The following FTCD variants were observed in gnomAD, a reference collection of about 807,000 sequenced individuals.
The protein encoded by FTCD is formimidoyltransferase-cyclodeaminase.
In FTCD, 76 loss-of-function variants were observed where a neutral mutation model predicts 62.9. The ratio of observed to expected loss-of-function variants is 1.21; its 90% CI spans 1.00 to 1.46. The LOEUF (loss-of-function observed/expected upper bound fraction) is 1.46, where lower values mean the gene tolerates loss of function less well. Among genes scored for constraint, FTCD ranks in the 40% most tolerant of loss-of-function variants. The pLI, the probability that FTCD is intolerant of heterozygous loss-of-function variation, is 0.00. For synonymous variants in FTCD, 397 were observed against 336.9 expected (o/e 1.18, Z -1.95); for missense variants, 845 against 751.3 (o/e 1.12, Z -1.46).
intron 5 of FTCD, among the ~76,000 whole-genome samples, chr21:46,150,872 C>T (rs2079254571): frequency 6.6e-6 from 1 of 152,268 alleles, no homozygotes; most frequent in Admixed American, 6.5e-5. Context: ...CCCATCTGCT[C>T]CGCTCCCGAC....
rs1368868010 is a variant in FTCD at position 46,153,006 on chromosome 21, C to T, written c.268G>A (p.Val90Ile). 9.7e-6 allele frequency: 15 copies of T among 1,550,166 alleles called. No homozygotes were observed. Among genetic ancestry groups the T allele is most frequent in the South Asian group, 3.6e-5 (3 of 84,122 alleles). ...GEHPRMGALDVCPFIPVRGVS... is the reference protein window; with the variant it reads ...GEHPRMGALDICPFIPVRGVS... ...CCCCTCACGGGGATGAAGGGGCAGA[C>T]GTCTAGGGCCCCCATGCGGGGGTGC... Residue 90 changes from valine to isoleucine, a missense_variant, in exon 3 of 14, where the codon GTC (valine) becomes ATC (isoleucine). Physicochemically the swap from Val to Ile is conservative, Grantham distance 29. Transcript: ENST00000397746.
chr21:46,145,551 GGCCCACCATGGAGCCCA>G lies in FTCD; in HGVS notation c.1109_1125del (p.Leu370ProfsTer56), dbSNP rs1335265533. ...AATTGGCGCCGCCCGTAGGTCATGA[GGCCCACCATGGAGCCCA>G]GCGCCGCACCCTGCGAGAGGGGTGG... On this transcript the variant is annotated frameshift_variant, in exon 10 of 14. Coordinates refer to ENST00000397746, the MANE Select transcript of FTCD (RefSeq NM_206965.2). LOFTEE classifies it high-confidence loss of function. 6.5e-7 allele frequency: 1 copy of G among 1,544,766 alleles called. No individual in the cohort carries two copies. The highest frequency in any genetic ancestry group is 2.0e-5 in the Admixed American group (1 of 50,876).
At chr21:46,149,889 T>C (rs1315417305) in intron 7 of FTCD, among the ~76,000 whole-genome samples, 1 of 151,444 alleles carries the variant, frequency 6.6e-6, no homozygotes, top group Non-Finnish European at 1.5e-5. Flanking sequence ...GCAGAAAGGG[T>C]GGGGTGTCCT....
intron 7 of FTCD, 58 bp downstream of exon 7, chr21:46,150,061 C>T (rs759698021): frequency 1.9e-4 from 290 of 1,516,868 alleles, no homozygotes; most frequent in Non-Finnish European, 2.4e-4. Context: ...GCTCCGCCAC[C>T]GCCTCCCCAC....
chr21:46,152,321 G>A (rs926762112), intron 3 of FTCD: 13 of 292,704 alleles, frequency 4.4e-5, no homozygotes, highest in African/African-American at 2.0e-4. Context: ...TAAATATAAC[G>A]GCAGAGAAGA....
At position 46,141,926 on chromosome 21, in the gene FTCD, A is replaced by AG. The variant is rs567478446; in HGVS notation, c.1261-3004dup. On this transcript the variant is annotated intron_variant, in intron 10 of 13. Coordinates refer to ENST00000397746, the MANE Select transcript of FTCD (RefSeq NM_206965.2). Reference sequence around the variant, plus strand: ...TTGGGTGCCCTGGGCCCCCCCGGGGAGGGGGGTGCTTCCCCCAGTGGAAAA... The same window carrying AG: ...TTGGGTGCCCTGGGCCCCCCCGGGGAGGGGGGGTGCTTCCCCCAGTGGAAAA... 1.3e-3 allele frequency among the ~76,000 whole-genome samples: 191 copies of AG among 152,040 alleles called. 1 individual carries two copies. The highest frequency in any genetic ancestry group is 4.0e-3 in the African/African-American group (167 of 41,480).
rs1203817678 is a variant in FTCD at position 46,138,880 on chromosome 21, C to CT, written c.1303dup (p.Arg435LysfsTer77). ...GGTGCGGCCGGCCCTCCAGGCTCAC[C>CT]TGTCCTTTTCCTCAGGTGTGTTCTT... On this transcript the variant is annotated frameshift_variant and splice_region_variant, in exon 11 of 14. Coordinates refer to ENST00000397746, the MANE Select transcript of FTCD (RefSeq NM_206965.2). LOFTEE classifies it high-confidence loss of function. 1 of 1,612,278 alleles carries CT rather than the reference C, an allele frequency of 6.2e-7. No individual in the cohort carries two copies. Among genetic ancestry groups the CT allele is most frequent in the Admixed American group, 1.7e-5 (1 of 60,032 alleles).
chr21:46,145,846 CCGCCCCCGGGGG>C lies in FTCD; in HGVS notation c.1058_1069del (p.Ala353_Gly356del). On this transcript the variant is annotated inframe_deletion, in exon 9 of 14. Transcript: ENST00000397746. Reference sequence around the variant, plus strand: ...GGCCGCAGCGGCCGCCGCCACCGAGCCGCCCCCGGGGGCCGCAGAGCGGGCACCCACCTCCCC... The same window carrying C: ...GGCCGCAGCGGCCGCCGCCACCGAGCCCGCAGAGCGGGCACCCACCTCCCC... 7.2e-7 allele frequency: 1 copy of C among 1,394,322 alleles called. No individual in the cohort carries two copies. Among genetic ancestry groups the C allele is most frequent in the Non-Finnish European group, 9.3e-7 (1 of 1,078,436 alleles). The allele number at this position is 1,394,322 out of a possible 1,614,324, so 86.4% of individuals were successfully genotyped here.
At chr21:46,144,399 TC>T (rs2079080387) in intron 10 of FTCD, among the ~76,000 whole-genome samples, 1 of 53,744 alleles carries the variant, frequency 1.9e-5, no homozygotes, top group Non-Finnish European at 3.8e-5. Flanking sequence ...CCTCCCTCTC[TC>T]TCCACCTACC....
At chr21:46,137,419 C>T (rs892426898) in intron 12 of FTCD, 85 bp from the exon 13 acceptor site, 12 of 1,066,738 alleles carry the variant, frequency 1.1e-5, no homozygotes, top group South Asian at 2.5e-5. Context: ...GGCTCTGGGA[C>T]AGGCCGGACT....
In FTCD at chr21:46,152,783, C is replaced by CT. The variant is rs1330095797; in HGVS notation, c.367+123dup. On this transcript the variant is annotated intron_variant, in intron 3 of 13. Transcript: ENST00000397746. ...AGGGAGCTGCGCTTCTGCATGTTGG[C>CT]TTTTTGGAACACTCTGCCCTTGCAA... 2.2e-5 allele frequency: 18 copies of CT among 836,688 alleles called. No homozygotes were observed. In the East Asian group the frequency reaches 4.7e-4, roughly 22 times the overall value. The allele number at this position is 836,688 out of a possible 1,614,324, so 51.8% of individuals were successfully genotyped here. A position where few individuals can be genotyped will look rare whatever the true frequency, so the allele number is the denominator to read the frequency against.
rs766130311 is a variant in FTCD at position 46,151,881 on chromosome 21, G to A, written c.456+11C>T. The A allele has an allele frequency of 2.1e-5, 33 of 1,556,780 alleles. No individual in the cohort carries two copies. The highest frequency in any genetic ancestry group is 3.9e-4 in the Middle Eastern group (2 of 5,066). ...CTCCTTCCCAGGCCCGACCGCCCGG[G>A]GTGGGGGCACCTTCTTAGGGAGGGC... On this transcript the variant is annotated intron_variant, in intron 4 of 13. Transcript: ENST00000397746.
chr21:46,138,407 C>G, intron 12 of FTCD, 101 bp downstream of exon 12: 1 of 1,200,876 alleles, frequency 8.3e-7, no homozygotes, highest in Non-Finnish European at 1.2e-6. Flanking sequence ...GTCTCCCTAC[C>G]TGGCTCAGCC....
Position 46,138,854 on chromosome 21 carries a change from C to T in FTCD, c.1304+26G>A, listed in dbSNP as rs371585661. The T allele has an allele frequency of 1.8e-5, 28 of 1,597,274 alleles. No individual in the cohort carries two copies. The South Asian group carries it at 2.0e-4, about 11-fold the overall frequency. On this transcript the variant is annotated intron_variant, in intron 11 of 13. Transcript: ENST00000397746. ...CCAACTCCCCAGACACAGAGGCCCA[C>T]GGTGCGGCCGGCCCTCCAGGCTCAC...
At chr21:46,141,931 G>T (rs954188503) in intron 10 of FTCD, among the ~76,000 whole-genome samples, 18 of 152,176 alleles carry the variant, frequency 1.2e-4, no homozygotes, top group African/African-American at 4.3e-4. Flanking sequence ...CGGGGAGGGG[G>T]GTGCTTCCCC....
In FTCD at chr21:46,145,932, C is replaced by G. The variant is rs982953507; in HGVS notation, c.984G>C (p.Glu328Asp). Residue 328 changes from glutamate (E) to aspartate (D), a missense_variant, in exon 9 of 14, where the codon GAG becomes GAC. By Grantham distance (45) the Glu-to-Asp change is conservative. Coordinates refer to ENST00000397746, the MANE Select transcript of FTCD (RefSeq NM_206965.2). ...TGCCCAGGCCTCGCTCAGGCCCGCGCTCAGGGACCAGGTACCTGCAGGGTG... is the reference window on the plus strand; with the variant it reads ...TGCCCAGGCCTCGCTCAGGCCCGCGGTCAGGGACCAGGTACCTGCAGGGTG... ...KERIIEYLVP[E>D]RGPERGLGSK... 11 of 1,504,712 alleles carry G rather than the reference C, an allele frequency of 7.3e-6. No homozygotes were observed. The highest frequency in any genetic ancestry group is 4.4e-5 in the African/African-American group (3 of 68,718). The allele number at this position is 1,504,712 out of a possible 1,614,324, so 93.2% of individuals were successfully genotyped here.
intron 7 of FTCD, chr21:46,146,585 A>T: frequency 1.7e-6 from 1 of 574,700 alleles, no homozygotes; most frequent in South Asian, 2.1e-5. Context: ...GGGGAACCTG[A>T]GGCCCAGAGA....
At chr21:46,151,789 C>T (rs760455483) in intron 4 of FTCD, 52 bp from the exon 5 acceptor site, 10 of 1,601,448 alleles carry the variant, frequency 6.2e-6, no homozygotes, top group Admixed American at 3.4e-5. Context: ...AGGGAACAGC[C>T]CCCCGGGGTC....
At chr21:46,149,455 C>CAA (rs1206515488) in intron 7 of FTCD, among the ~76,000 whole-genome samples, 1 of 151,728 alleles carries the variant, frequency 6.6e-6, no homozygotes, top group Non-Finnish European at 1.5e-5. Context: ...AGTAAAAACA[C>CAA]AAACAGACAA....
Sources: gnomAD v4.1 joint callset for allele counts (sites outside exome capture counted in the v4.1 genomes callset) on GRCh38, gnomAD v4.1.1 for gene constraint, MANE v1.5 for transcripts, NCBI Gene and HGNC (gene_info 2026-07-23, HGNC 2026-07-21) for gene names.